Variants in AGO2 observed in about 807,000 individuals in gnomAD.
AGO2 encodes the protein protein argonaute-2.
Under a neutral mutation model 102.3 loss-of-function variants are expected in AGO2, and 5 were observed. The ratio of observed to expected loss-of-function variants is 0.05; its 90% confidence interval spans 0.03 to 0.10. The LOEUF is 0.10. Ranked by LOEUF, AGO2 falls within the 10% of genes least tolerant of loss-of-function variation. AGO2 has a pLI of 1.00. For synonymous variants in AGO2, 449 were observed against 473.1 expected (o/e 0.95, Z 0.66); for missense variants, 541 against 1,183.7 (o/e 0.46, Z 7.97).
intron 1 of AGO2, among the ~76,000 whole-genome samples, chr8:140,595,549 C>T (rs978788571): frequency 8.2e-5 from 12 of 146,720 alleles, no homozygotes; most frequent in African/African-American, 2.8e-4. Flanking sequence ...TCAAGTGATC[C>T]TCCTGTCCCA....
At chr8:140,593,511 C>T (rs1214950110) in intron 1 of AGO2, among the ~76,000 whole-genome samples, 2 of 149,786 alleles carry the variant, frequency 1.3e-5, no homozygotes, top group Non-Finnish European at 3.0e-5. Flanking sequence ...TGATCTGCCA[C>T]CCTCATGCCT....
In AGO2 at chr8:140,551,375, G is replaced by A. The variant is rs772070879; in HGVS notation, c.1331C>T (p.Thr444Met). ...VWDMRNKQFH[T>M]GIEIKVWAIA... ...GGCCCACACCTTGATCTCGATGCCC[G>A]TGTGGAACTGCTTGTTCCGCATGTC... The change falls in exon 11 of 19, where the codon ACG (threonine) becomes ATG (methionine). Residue 444 changes from threonine to methionine, a missense_variant. Coordinates refer to ENST00000220592, the MANE Select transcript of AGO2 (RefSeq NM_012154.5). 3.1e-6 allele frequency: 5 copies of A among 1,599,452 alleles called. No homozygotes were observed. The highest frequency in any genetic ancestry group is 1.3e-5 in the African/African-American group (1 of 74,738).
intron 3 of AGO2, among the ~76,000 whole-genome samples, chr8:140,571,263 T>G (rs2073374316): frequency 6.6e-6 from 1 of 152,226 alleles, no homozygotes; most frequent in African/African-American, 2.4e-5. Context: ...GTTCTCCCTT[T>G]GTCAGAGCGT....
chr8:140,602,374 G>T (rs754085714), intron 1 of AGO2, among the ~76,000 whole-genome samples: 1 of 152,160 alleles, frequency 6.6e-6, no homozygotes, highest in South Asian at 2.1e-4. Context: ...TAGAAATCCA[G>T]CATTTCGACT....
At chr8:140,631,385 T>C (rs930622113) in intron 1 of AGO2, among the ~76,000 whole-genome samples, 1 of 151,582 alleles carries the variant, frequency 6.6e-6, no homozygotes, top group African/African-American at 2.4e-5. Context: ...CTACCAAAAA[T>C]ACGAAAATTA....
intron 11 of AGO2, among the ~76,000 whole-genome samples, chr8:140,550,321 C>T (rs924799486): frequency 6.6e-6 from 1 of 152,230 alleles, no homozygotes; most frequent in Non-Finnish European, 1.5e-5. Context: ...CCCCACAGAG[C>T]GGGGAAGCAA....
intron 2 of AGO2, among the ~76,000 whole-genome samples, chr8:140,576,513 G>A (rs2073465670): frequency 1.3e-5 from 2 of 152,182 alleles, no homozygotes. Flanking sequence ...TACACAAATG[G>A]CGGGTAAGCA....
chr8:140,557,203 C>T lies in AGO2; in HGVS notation c.912G>A (p.Val304=), dbSNP rs1483498477. Residue 304 remains valine, a synonymous_variant, in exon 8 of 19, where the codon GTG becomes GTA. Coordinates refer to ENST00000220592, the MANE Select transcript of AGO2 (RefSeq NM_012154.5). The surrounding 1 kb of genome is among the most constrained non-coding windows in gnomAD (Gnocchi z 5.9). ...FPLQQESGQT[V]ECTVAQYFKD... is the part of the protein sequence containing the mutation. Reference sequence around the variant, plus strand: ...TGAAATACTGGGCCACCGTGCACTCCACCGTCTGCCCGCTCTCCTGCTGCA... The same window carrying T: ...TGAAATACTGGGCCACCGTGCACTCTACCGTCTGCCCGCTCTCCTGCTGCA... 2 of 1,613,818 alleles carry T rather than the reference C, an allele frequency of 1.2e-6. No homozygotes were observed. Among genetic ancestry groups the T allele is most frequent in the South Asian group, 1.1e-5 (1 of 91,068 alleles).
intron 16 of AGO2, among the ~76,000 whole-genome samples, chr8:140,536,056 C>T (rs772260050): frequency 6.6e-6 from 1 of 152,302 alleles, no homozygotes; most frequent in East Asian, 1.9e-4. Flanking sequence ...CGGTAGCTTG[C>T]GCCCAGCACC....
intron 13 of AGO2, among the ~76,000 whole-genome samples, chr8:140,545,906 A>G (rs2944769): frequency 0.62 from 94,557 of 152,028 alleles, 30,713 homozygotes; most frequent in African/African-American, 0.82. Flanking sequence ...GGGAGCCTTC[A>G]TTCCCCAGCA....
At chr8:140,559,372 G>T in intron 6 of AGO2, 23 bp downstream of exon 6, 1 of 1,610,736 alleles carries the variant, frequency 6.2e-7, no homozygotes, top group Non-Finnish European at 8.5e-7. Context: ...CCCTCAGCCA[G>T]GTGTGCTGGG....
rs1483572819 is a variant in AGO2, at chr8:140,531,885, C to T, written c.*159G>A. 2 of 645,996 alleles carry T rather than the reference C, an allele frequency of 3.1e-6. No individual in the cohort carries two copies. The highest frequency in any genetic ancestry group is 1.8e-5 in the African/African-American group (1 of 55,314). The allele number at this position is 645,996 out of a possible 1,614,324, so 40.0% of individuals were successfully genotyped here. Reference sequence around the variant, plus strand: ...GCAGTTCAAAATCCAAGTTTGAAATCTGGGACGGAAGGCATTCTGGAAAAC... The same window carrying T: ...GCAGTTCAAAATCCAAGTTTGAAATTTGGGACGGAAGGCATTCTGGAAAAC... On this transcript the variant is annotated 3_prime_UTR_variant, in exon 19 of 19. Transcript: ENST00000220592.
intron 13 of AGO2, among the ~76,000 whole-genome samples, chr8:140,544,940 AG>A (rs1407836838): frequency 6.6e-6 from 1 of 152,190 alleles, no homozygotes; most frequent in East Asian, 1.9e-4. Context: ...CTCCGGGGAA[AG>A]GCGGAGGTGG....
intron 1 of AGO2, among the ~76,000 whole-genome samples, chr8:140,596,772 C>A (rs1229752658): frequency 2.0e-5 from 3 of 152,178 alleles, no homozygotes; most frequent in African/African-American, 4.8e-5. Context: ...GGGTCACCTG[C>A]AGGCTGGGAG....
upstream of AGO2, chr8:140,636,363 T>C (rs2074409193): frequency 6.6e-6 from 1 of 152,240 alleles, no homozygotes; most frequent in Non-Finnish European, 1.5e-5. Flanking sequence ...GCTCGGACCG[T>C]CGTGCACCTC....
intron 1 of AGO2, among the ~76,000 whole-genome samples, chr8:140,610,367 A>C (rs1446683221): frequency 6.6e-5 from 10 of 151,960 alleles, no homozygotes. Flanking sequence ...ACAGGTGCCC[A>C]CCACCATGCC....
chr8:140,635,776 C>T (rs2074401690), upstream of AGO2, among the ~76,000 whole-genome samples: 3 of 135,152 alleles, frequency 2.2e-5, no homozygotes, highest in Admixed American at 2.2e-4. Context: ...GGGCTGGGCG[C>T]GCGGGCGGGG....
intron 6 of AGO2, 88 bp downstream of exon 6, chr8:140,559,307 A>T: frequency 6.5e-7 from 1 of 1,530,406 alleles, no homozygotes; most frequent in East Asian, 2.3e-5. Flanking sequence ...AATGCGCACA[A>T]GAACCAGAAC....
chr8:140,619,534 C>A (rs896075121), intron 1 of AGO2, among the ~76,000 whole-genome samples: 3 of 152,160 alleles, frequency 2.0e-5, no homozygotes, highest in East Asian at 1.9e-4. Flanking sequence ...AAGGAAGCCG[C>A]GGGAGGCCTG....
Sources: allele counts gnomAD v4.1 joint callset (sites outside exome capture counted in the v4.1 genomes callset), GRCh38; gene constraint gnomAD v4.1.1; non-coding constraint Gnocchi (gnomAD v3.1); transcripts MANE v1.5; gene names NCBI Gene and HGNC (gene_info 2026-07-23, HGNC 2026-07-21).